ZFP64: variants seen among roughly 807,000 people sequenced by gnomAD.
ZFP64 encodes the protein ZFP64 zinc finger protein, also known as zinc finger protein 64.
A neutral mutation model predicts 51.6 loss-of-function variants in ZFP64; 14 were observed. The observed-to-expected ratio is 0.27, with a 90% confidence interval of 0.18 to 0.42. The LOEUF (loss-of-function observed/expected upper bound fraction) is 0.42, where lower values mean the gene tolerates loss of function less well. Ranked by LOEUF, ZFP64 falls within the 10% of genes least tolerant of loss-of-function variation. ZFP64 has a pLI of 1.00. For missense variants in ZFP64, 754 were observed against 906.8 expected (o/e 0.83, Z 2.16); for synonymous variants, 375 against 361.4 (o/e 1.04, Z -0.43).
rs142598503 is a variant in ZFP64 at position 52,169,435 on chromosome 20, T to G, written c.287-3410A>C. Among the ~76,000 whole-genome samples the G allele has an allele frequency of 2.0e-3, 311 of 152,272 alleles. 3 individuals are homozygous for G. The highest frequency in any genetic ancestry group is 3.4e-3 in the Admixed American group (52 of 15,292). ...ACAACTTCCTGCACAAGTGACCCCC[T>G]GTGCTGGAAGGTGTTCACAGTGGGG... On this transcript the variant is annotated intron_variant, in intron 2 of 5. Coordinates refer to ENST00000216923, the MANE Select transcript of ZFP64 (RefSeq NM_018197.3).
At chr20:52,176,762 G>A (rs1332648221) in intron 2 of ZFP64, among the ~76,000 whole-genome samples, 1 of 152,004 alleles carries the variant, frequency 6.6e-6, no homozygotes, top group Admixed American at 6.6e-5. Flanking sequence ...ACCCGCCTCG[G>A]CCTCCCAAAG....
At chr20:52,089,977 A>G (rs906063160) in intron 7 of ZFP64, among the ~76,000 whole-genome samples, 1 of 152,206 alleles carries the variant, frequency 6.6e-6, no homozygotes, top group Non-Finnish European at 1.5e-5. Flanking sequence ...AACAAAAAGA[A>G]AAAGCCACCT....
At chr20:52,184,515 A>T (rs139023886) in intron 2 of ZFP64, among the ~76,000 whole-genome samples, 1 of 152,138 alleles carries the variant, frequency 6.6e-6, no homozygotes, top group South Asian at 2.1e-4. Flanking sequence ...TATTTTTTTT[A>T]TACTTACCTT....
chr20:52,142,258 C>A (rs1980291519), intron 5 of ZFP64, among the ~76,000 whole-genome samples: 1 of 151,956 alleles, frequency 6.6e-6, no homozygotes, highest in Non-Finnish European at 1.5e-5. Flanking sequence ...ATCCCAGCCA[C>A]ATGGAAGACT....
At chr20:52,115,603 C>T (rs139097554) in intron 5 of ZFP64, among the ~76,000 whole-genome samples, 6,851 of 151,670 alleles carry the variant, frequency 0.045, 548 homozygotes, top group African/African-American at 0.16. Context: ...TTAGTAGAGA[C>T]GGGGTTTCAC....
chr20:52,092,075 A>C (rs2078933708), intron 7 of ZFP64, among the ~76,000 whole-genome samples: 1 of 152,182 alleles, frequency 6.6e-6, no homozygotes, highest in Non-Finnish European at 1.5e-5. Context: ...CAAAATGCTG[A>C]AATCAAGTGC....
intron 5 of ZFP64, among the ~76,000 whole-genome samples, chr20:52,101,362 C>T (rs1027879878): frequency 8.0e-5 from 10 of 125,272 alleles, no homozygotes; most frequent in Non-Finnish European, 5.0e-5. Context: ...TAAGGACTTG[C>T]GATTCCAGGG....
chr20:52,189,631 C>T (rs920381306), intron 1 of ZFP64, among the ~76,000 whole-genome samples: 1 of 151,760 alleles, frequency 6.6e-6, no homozygotes, highest in South Asian at 2.1e-4. Context: ...GCCACCACCA[C>T]GCCAGGCTAA....
chr20:52,127,646 A>G (rs1326891111), intron 5 of ZFP64, among the ~76,000 whole-genome samples: 2 of 152,178 alleles, frequency 1.3e-5, no homozygotes, highest in Non-Finnish European at 2.9e-5. Flanking sequence ...ATTATAAATT[A>G]CTCAGTCTCA....
Position 52,084,753 on chromosome 20 carries a change from C to T in ZFP64, c.1742G>A (p.Arg581His), listed in dbSNP as rs750823485. 1.1e-5 allele frequency: 17 copies of T among 1,614,124 alleles called. No homozygotes were observed. The highest frequency in any genetic ancestry group is 6.7e-5 in the East Asian group (3 of 44,898). The stretch of plus-strand genomic sequence containing the variant: ...GAAGGAGGCGCCGCAGGTCTCACAG[C>T]GGAAGGCCCTCTGCGTCACGATCTT... The change falls in exon 9 of 9, where the codon CGC becomes CAC. Residue 581 changes from arginine (R) to histidine (H), a missense_variant. Physicochemically the swap from Arg to His is conservative, Grantham distance 29. Transcript: ENST00000361387.
intron 7 of ZFP64, among the ~76,000 whole-genome samples, chr20:52,090,416 G>A (rs1029054315): frequency 6.6e-6 from 1 of 152,130 alleles, no homozygotes; most frequent in Non-Finnish European, 1.5e-5. Flanking sequence ...AAAAAAATAA[G>A]GGTGATGGTG....
downstream of ZFP64, among the ~76,000 whole-genome samples, chr20:52,149,219 T>C (rs1427801673): frequency 6.6e-6 from 1 of 150,884 alleles, no homozygotes; most frequent in Admixed American, 6.6e-5. Context: ...TCCGTATTTA[T>C]GCAAGTACAA....
intron 4 of ZFP64, among the ~76,000 whole-genome samples, chr20:52,162,941 G>A (rs923969775): frequency 3.3e-5 from 5 of 151,830 alleles, no homozygotes; most frequent in Non-Finnish European, 5.9e-5. Flanking sequence ...GACAGAGACC[G>A]CAGAAACTAT....
At chr20:52,093,332 G>A (rs1463324971) in intron 7 of ZFP64, among the ~76,000 whole-genome samples, 1 of 151,964 alleles carries the variant, frequency 6.6e-6, no homozygotes, top group African/African-American at 2.4e-5. Flanking sequence ...GTAGAGATGG[G>A]TTTCACCATG....
intron 5 of ZFP64, among the ~76,000 whole-genome samples, chr20:52,109,780 CAAAAA>C (rs779914417): frequency 6.5e-5 from 3 of 46,136 alleles, no homozygotes; most frequent in African/African-American, 2.2e-4. Context: ...AATTCCACCT[CAAAAA>C]AAAAAAAAAA....
chr20:52,108,098 A>G (rs1978358667), intron 5 of ZFP64, among the ~76,000 whole-genome samples: 1 of 152,088 alleles, frequency 6.6e-6, no homozygotes, highest in Admixed American at 6.6e-5. Context: ...CGGATGACAC[A>G]CACCTATGCT....
intron 5 of ZFP64, among the ~76,000 whole-genome samples, chr20:52,103,816 C>T (rs2079079688): frequency 6.6e-6 from 1 of 152,202 alleles, no homozygotes; most frequent in Non-Finnish European, 1.5e-5. Flanking sequence ...GTTGTACTAT[C>T]CTGGTTATGG....
At chr20:52,086,774 G>A (rs11696551) in intron 8 of ZFP64, among the ~76,000 whole-genome samples, 18,438 of 152,100 alleles carry the variant, frequency 0.12, 1,323 homozygotes, top group South Asian at 0.25. Context: ...CACCGCGCCC[G>A]GCCCTTTCAC....
chr20:52,115,835 TC>T (rs1385923846), intron 5 of ZFP64, among the ~76,000 whole-genome samples: 2 of 152,124 alleles, frequency 1.3e-5, no homozygotes, highest in African/African-American at 4.8e-5. Flanking sequence ...TAGTAATATT[TC>T]TTTCTTTCTC....
Sources: allele counts gnomAD v4.1 joint callset (sites outside exome capture counted in the v4.1 genomes callset), GRCh38; gene constraint gnomAD v4.1.1; transcripts MANE v1.5; gene names NCBI Gene and HGNC (gene_info 2026-07-23, HGNC 2026-07-21).